FSTL1: variants seen among roughly 807,000 people sequenced by gnomAD.
The protein encoded by FSTL1 is follistatin like 1, also known as follistatin-related protein 1.
FSTL1 carries 24 observed loss-of-function variants against 45.9 expected under a neutral mutation model. The observed-to-expected ratio is 0.52, with a 90% confidence interval of 0.38 to 0.74. FSTL1 has a LOEUF of 0.74. FSTL1 is among the 30% of genes least tolerant of loss of function. The probability of loss-of-function intolerance (pLI) is 0.00; values close to 1 mark genes in which losing one functional copy is unlikely to be tolerated. For synonymous variants in FSTL1, 120 were observed against 137.6 expected (o/e 0.87, Z 0.89); for missense variants, 340 against 381.8 (o/e 0.89, Z 0.91).
At chr3:120,403,999 CA>C (rs199997156) in intron 7 of FSTL1, among the ~76,000 whole-genome samples, 2 of 111,040 alleles carry the variant, frequency 1.8e-5, no homozygotes, top group South Asian at 3.0e-4. Flanking sequence ...ACAAAACAAA[CA>C]AAAAAAAACT....
intron 10 of FSTL1, among the ~76,000 whole-genome samples, chr3:120,398,041 CA>C (rs1936737776): frequency 6.6e-6 from 1 of 152,078 alleles, no homozygotes; most frequent in Admixed American, 6.6e-5. Flanking sequence ...ATGTCCAGAA[CA>C]GGCAAATTTA....
intron 2 of FSTL1, among the ~76,000 whole-genome samples, chr3:120,442,500 C>A (rs1447217379): frequency 6.6e-6 from 1 of 152,172 alleles, no homozygotes; most frequent in Non-Finnish European, 1.5e-5. Context: ...CAGAGTTAGG[C>A]CTGGCATCGT....
chr3:120,435,955 A>G (rs1230449739), intron 2 of FSTL1, among the ~76,000 whole-genome samples: 1 of 152,224 alleles, frequency 6.6e-6, no homozygotes, highest in Non-Finnish European at 1.5e-5. Flanking sequence ...AATTTGGAGG[A>G]AAAACGCAAT....
At chr3:120,408,864 T>TGCTTC (rs939599678) in intron 6 of FSTL1, among the ~76,000 whole-genome samples, 10 of 152,176 alleles carry the variant, frequency 6.6e-5, no homozygotes, top group African/African-American at 2.4e-4. Flanking sequence ...TGCCCTTAAT[T>TGCTTC]GCTTCTTCTA....
intron 2 of FSTL1, among the ~76,000 whole-genome samples, chr3:120,442,770 G>A (rs564914764): frequency 3.4e-4 from 49 of 142,544 alleles, no homozygotes; most frequent in South Asian, 2.1e-3. Context: ...GTGACAGAGC[G>A]GACTCCATCT....
At chr3:120,439,825 C>T (rs1301074074) in intron 2 of FSTL1, among the ~76,000 whole-genome samples, 1 of 152,176 alleles carries the variant, frequency 6.6e-6, no homozygotes, top group East Asian at 1.9e-4. Context: ...CTTAAAACAT[C>T]CCCCAAGGCT....
At chr3:120,446,353 A>G (rs527362740) in intron 2 of FSTL1, among the ~76,000 whole-genome samples, 8 of 152,310 alleles carry the variant, frequency 5.3e-5, no homozygotes, top group Admixed American at 1.3e-4. Context: ...ACTTGCTTCT[A>G]TGAGCCTGGG....
At chr3:120,400,079 A>G (rs1936791481) in intron 9 of FSTL1, 120 bp from the exon 10 acceptor site, 1 of 705,016 alleles carries the variant, frequency 1.4e-6, no homozygotes, top group Non-Finnish European at 2.5e-6. Context: ...GGAGAGGTGA[A>G]TTACCCACAT....
chr3:120,438,013 G>C (rs1025037052), intron 2 of FSTL1, among the ~76,000 whole-genome samples: 6 of 152,046 alleles, frequency 3.9e-5, no homozygotes, highest in African/African-American at 1.4e-4. Flanking sequence ...ACTTGTTCAG[G>C]AGCCCCTGGA....
At chr3:120,404,459 G>A (rs1299806203) in intron 7 of FSTL1, among the ~76,000 whole-genome samples, 3 of 152,340 alleles carry the variant, frequency 2.0e-5, no homozygotes, top group African/African-American at 7.2e-5. Flanking sequence ...ACATGAAATA[G>A]CACTAATTAT....
At chr3:120,412,742 A>T (rs1054401147) in intron 3 of FSTL1, among the ~76,000 whole-genome samples, 6 of 152,064 alleles carry the variant, frequency 3.9e-5, no homozygotes, top group African/African-American at 1.4e-4. Context: ...TCCAACATTC[A>T]ATGACACAAA....
At chr3:120,430,479 A>G (rs562761830) in intron 2 of FSTL1, among the ~76,000 whole-genome samples, 2 of 152,328 alleles carry the variant, frequency 1.3e-5, no homozygotes, top group South Asian at 4.1e-4. Flanking sequence ...CATCAATTTT[A>G]ACACCATTGT....
rs528789792 is a variant in FSTL1 at position 120,432,727 on chromosome 3, T to C, written c.64-16700A>G. Among the ~76,000 whole-genome samples the C allele has an allele frequency of 2.0e-5, 3 of 152,270 alleles. No individual in the cohort carries two copies. The East Asian group carries it at 5.8e-4, about 29-fold the overall frequency. ...ATGCCACATATTTAACTGTTTGGGG[T>C]CACCCTGAGGAACTCCCAACTCCAC... On this transcript the variant is annotated intron_variant, in intron 2 of 10. Coordinates refer to ENST00000295633, the MANE Select transcript of FSTL1 (RefSeq NM_007085.5).
intron 2 of FSTL1, among the ~76,000 whole-genome samples, chr3:120,434,363 A>G (rs1262220344): frequency 6.6e-6 from 1 of 152,186 alleles, no homozygotes; most frequent in Non-Finnish European, 1.5e-5. Flanking sequence ...AGTCACTACC[A>G]AGAGGATCTT....
intron 2 of FSTL1, among the ~76,000 whole-genome samples, chr3:120,446,582 A>G (rs1156332461): frequency 6.6e-6 from 1 of 152,266 alleles, no homozygotes. Flanking sequence ...AGGATAAACA[A>G]GCAAGAGATC....
intron 2 of FSTL1, among the ~76,000 whole-genome samples, chr3:120,424,674 G>A (rs547490895): frequency 1.2e-3 from 180 of 152,130 alleles, no homozygotes; most frequent in African/African-American, 4.2e-3. Flanking sequence ...AGAAGGAAGG[G>A]ATCCAAGAGA....
At chr3:120,403,396 C>T (rs990477959) in intron 7 of FSTL1, 42 bp from the exon 8 acceptor site, 2 of 1,208,570 alleles carry the variant, frequency 1.7e-6, no homozygotes, top group South Asian at 1.2e-5. Context: ...AAGACCTCAG[C>T]TTCGCTCAGA....
chr3:120,423,999 A>T (rs928023054), intron 2 of FSTL1: 1 of 152,260 alleles, frequency 6.6e-6, no homozygotes, highest in Non-Finnish European at 1.5e-5. Flanking sequence ...CAATGTAGAG[A>T]GTATAAATCC....
Position 120,411,913 on chromosome 3 carries a change from T to C in FSTL1, c.239A>G (p.His80Arg). ...GGATCCAGTGAGGCAGGCATCTCGA[T>C]GCAGTTCACAGTGGTTGAGGTAGGT... ...GKTYLNHCEL[H>R]RDACLTGSKI... Residue 80 changes from histidine (H) to arginine (R), a missense_variant, in exon 4 of 11, where the codon CAT (histidine) becomes CGT (arginine). Coordinates refer to ENST00000295633, the MANE Select transcript of FSTL1 (RefSeq NM_007085.5). 1 of 1,613,596 alleles carries C rather than the reference T, an allele frequency of 6.2e-7. No homozygotes were observed. The highest frequency in any genetic ancestry group is 8.5e-7 in the Non-Finnish European group (1 of 1,179,478).
Sources: gnomAD v4.1 joint callset for allele counts (sites outside exome capture counted in the v4.1 genomes callset) on GRCh38, gnomAD v4.1.1 for gene constraint, MANE v1.5 for transcripts, NCBI Gene and HGNC (gene_info 2026-07-23, HGNC 2026-07-21) for gene names.